Variants in GRM7 observed in about 807,000 individuals in gnomAD.
The protein encoded by GRM7 is glutamate metabotropic receptor 7.
GRM7 carries 35 observed loss-of-function variants against 84.5 expected under a neutral mutation model. The ratio of observed to expected loss-of-function variants is 0.41; its 90% confidence interval spans 0.32 to 0.55. GRM7 has a LOEUF of 0.55. Ranked by LOEUF, GRM7 falls within the 20% of genes least tolerant of loss-of-function variation. The pLI, the probability that GRM7 is intolerant of heterozygous loss-of-function variation, is 0.19. For synonymous variants in GRM7, 487 were observed against 455.1 expected (o/e 1.07, Z -0.89); for missense variants, 1,003 against 1,194.6 (o/e 0.84, Z 2.36).
intron 7 of GRM7, among the ~76,000 whole-genome samples, chr3:7,513,310 C>A (rs941128859): frequency 1.3e-5 from 2 of 152,032 alleles, no homozygotes; most frequent in Non-Finnish European, 2.9e-5. Flanking sequence ...AAGAGGGGAA[C>A]CTTGATTAAT....
At chr3:7,431,685 A>G (rs1385458090) in intron 5 of GRM7, among the ~76,000 whole-genome samples, 1 of 152,194 alleles carries the variant, frequency 6.6e-6, no homozygotes, top group Non-Finnish European at 1.5e-5. Context: ...TTGGATGGTT[A>G]TTTCATTAAG....
intron 1 of GRM7, among the ~76,000 whole-genome samples, chr3:6,993,324 T>A (rs934946599): frequency 2.6e-4 from 39 of 152,140 alleles, no homozygotes; most frequent in African/African-American, 8.0e-4. Flanking sequence ...CAAACCATAT[T>A]AGACCCCTTC....
chr3:7,403,296 A>G (rs1575283529), intron 4 of GRM7: 2 of 188,830 alleles, frequency 1.1e-5, no homozygotes, highest in East Asian at 1.6e-4. Flanking sequence ...ATAATTTGCT[A>G]TAATTCCTAA....
intron 4 of GRM7, among the ~76,000 whole-genome samples, chr3:7,403,999 A>G (rs1695569719): frequency 6.6e-6 from 1 of 152,104 alleles, no homozygotes; most frequent in Non-Finnish European, 1.5e-5. Flanking sequence ...AGCATATCTG[A>G]ATCACCTGGG....
At chr3:7,626,628 C>T (rs1697626563) in intron 8 of GRM7, among the ~76,000 whole-genome samples, 1 of 152,162 alleles carries the variant, frequency 6.6e-6, no homozygotes, top group Non-Finnish European at 1.5e-5. Flanking sequence ...ACTCTAACAT[C>T]TGCCATCGCA....
chr3:7,355,506 G>A (rs978109001), intron 4 of GRM7, among the ~76,000 whole-genome samples: 2 of 152,096 alleles, frequency 1.3e-5, no homozygotes, highest in Non-Finnish European at 2.9e-5. Context: ...AATCGCAGCA[G>A]ATGCTGTTAT....
intron 1 of GRM7, among the ~76,000 whole-genome samples, chr3:7,013,023 A>G (rs1695433326): frequency 6.6e-6 from 1 of 152,012 alleles, no homozygotes; most frequent in Admixed American, 6.6e-5. Flanking sequence ...TACAGGTATG[A>G]GCAATGGCAC....
At chr3:7,652,431 C>T (rs60631851) in intron 8 of GRM7, among the ~76,000 whole-genome samples, 46,652 of 152,070 alleles carry the variant, frequency 0.31, 7,448 homozygotes, top group African/African-American at 0.33. Context: ...TAAACAGACT[C>T]ATGGAAGGAC....
At chr3:7,393,907 G>A (rs577912007) in intron 4 of GRM7, among the ~76,000 whole-genome samples, 3 of 152,242 alleles carry the variant, frequency 2.0e-5, no homozygotes, top group African/African-American at 7.2e-5. Context: ...TCAGATTCTT[G>A]TTGAAGTGGT....
At chr3:7,322,531 G>A (rs748857775) in intron 4 of GRM7, among the ~76,000 whole-genome samples, 4 of 151,818 alleles carry the variant, frequency 2.6e-5, no homozygotes, top group Non-Finnish European at 4.4e-5. Flanking sequence ...TACCTAATGT[G>A]TATTCTTTTA....
intron 5 of GRM7, among the ~76,000 whole-genome samples, 156 bp from the exon 6 acceptor site, chr3:7,452,451 C>A (rs374367590): frequency 4.6e-5 from 7 of 152,054 alleles, no homozygotes; most frequent in South Asian, 2.1e-4. Flanking sequence ...CTGGCTATCA[C>A]GTGGTAGGCA....
At chr3:6,927,485 G>GAAAGAAAGAA (rs1697347828) in intron 1 of GRM7, among the ~76,000 whole-genome samples, 1 of 116,764 alleles carries the variant, frequency 8.6e-6, no homozygotes, top group East Asian at 2.1e-4. Flanking sequence ...AAGAAAGAAA[G>GAAAGAAAGAA]AAAGAAAGAA....
intron 1 of GRM7, among the ~76,000 whole-genome samples, chr3:7,146,185 C>T (rs17234969): frequency 0.24 from 37,213 of 152,042 alleles, 4,943 homozygotes; most frequent in Non-Finnish European, 0.3. Flanking sequence ...ACAACCATGA[C>T]CCTGACCTTG....
chr3:6,887,361 C>A (rs1293985252), intron 1 of GRM7, among the ~76,000 whole-genome samples: 2 of 152,040 alleles, frequency 1.3e-5, no homozygotes, highest in East Asian at 3.9e-4. Flanking sequence ...GGTATATCTC[C>A]TAATGCTATC....
chr3:7,368,190 G>A (rs1374400046), intron 4 of GRM7, among the ~76,000 whole-genome samples: 1 of 151,880 alleles, frequency 6.6e-6, no homozygotes, highest in African/African-American at 2.4e-5. Flanking sequence ...AGACTACAAA[G>A]GCATTTCTGG....
chr3:7,139,255 C>T (rs1693868596), intron 1 of GRM7, among the ~76,000 whole-genome samples: 2 of 151,416 alleles, frequency 1.3e-5, no homozygotes, highest in Non-Finnish European at 3.0e-5. Context: ...TTTTACGGTA[C>T]TGAACACCTC....
intron 5 of GRM7, among the ~76,000 whole-genome samples, chr3:7,447,584 A>G (rs568043942): frequency 2.6e-5 from 4 of 152,174 alleles, no homozygotes; most frequent in South Asian, 2.1e-4. Flanking sequence ...TGTCACTGGT[A>G]TGCTATGGTC....
chr3:6,926,123 C>A (rs1697288973), intron 1 of GRM7, among the ~76,000 whole-genome samples: 1 of 151,996 alleles, frequency 6.6e-6, no homozygotes, highest in African/African-American at 2.4e-5. Flanking sequence ...AAATGTAATT[C>A]TTATGTCATA....
chr3:7,100,620 T>C (rs9837989), intron 1 of GRM7, among the ~76,000 whole-genome samples: 70,290 of 151,496 alleles, frequency 0.46, 17,319 homozygotes, highest in African/African-American at 0.64. Flanking sequence ...TATTTGGAAA[T>C]GCGACTTTTC....
Sources: allele counts gnomAD v4.1 joint callset (sites outside exome capture counted in the v4.1 genomes callset), GRCh38; gene constraint gnomAD v4.1.1; transcripts MANE v1.5; gene names NCBI Gene and HGNC (gene_info 2026-07-23, HGNC 2026-07-21).